Variants in CNTNAP2 observed in about 807,000 individuals in gnomAD.
CNTNAP2 encodes the protein contactin-associated protein-like 2.
A neutral mutation model predicts 155.2 loss-of-function variants in CNTNAP2; 98 were observed. The ratio of observed to expected loss-of-function variants is 0.63; its 90% CI spans 0.54 to 0.75. The LOEUF (loss-of-function observed/expected upper bound fraction) is 0.75, where lower values mean the gene tolerates loss of function less well. Ranked by LOEUF, CNTNAP2 falls within the 30% of genes least tolerant of loss-of-function variation. The probability of loss-of-function intolerance (pLI) is 0.00; values close to 1 mark genes in which losing one functional copy is unlikely to be tolerated. For synonymous variants in CNTNAP2, 651 were observed against 631.2 expected, an observed-to-expected ratio of 1.03 and a Z score of -0.47; for missense variants, 1,727 against 1,688.1, an observed-to-expected ratio of 1.02 and a Z score of -0.40.
chr7:147,934,202 G>T (rs1800563021), intron 14 of CNTNAP2, among the ~76,000 whole-genome samples: 1 of 151,524 alleles, frequency 6.6e-6, no homozygotes, highest in South Asian at 2.1e-4. Flanking sequence ...TCATACTACA[G>T]TTAGAGTATT....
chr7:147,666,327 G>A (rs1334754804), intron 13 of CNTNAP2, among the ~76,000 whole-genome samples: 1 of 152,064 alleles, frequency 6.6e-6, no homozygotes, highest in Non-Finnish European at 1.5e-5. Context: ...GACTACAATG[G>A]AACTGAAAAA....
At chr7:148,174,425 C>T (rs915320416) in intron 18 of CNTNAP2, among the ~76,000 whole-genome samples, 1 of 151,420 alleles carries the variant, frequency 6.6e-6, no homozygotes, top group Non-Finnish European at 1.5e-5. Flanking sequence ...TGACCGCCCC[C>T]CACCTCAGGC....
intron 1 of CNTNAP2, among the ~76,000 whole-genome samples, chr7:146,137,611 A>G (rs905410187): frequency 5.3e-5 from 8 of 152,256 alleles, no homozygotes; most frequent in African/African-American, 1.9e-4. Context: ...TATTTTATTT[A>G]AAGAAAAGCC....
At chr7:147,311,550 G>A (rs1433995036) in intron 9 of CNTNAP2, among the ~76,000 whole-genome samples, 7 of 152,138 alleles carry the variant, frequency 4.6e-5, no homozygotes, top group Admixed American at 4.6e-4. Context: ...CCTATTTAGA[G>A]CAGCCAACTC....
chr7:147,849,355 A>AATC (rs1798396713), intron 13 of CNTNAP2, among the ~76,000 whole-genome samples: 2 of 152,198 alleles, frequency 1.3e-5, no homozygotes, highest in African/African-American at 4.8e-5. Context: ...AAAACAAATT[A>AATC]ATCATCTTTG....
At chr7:146,671,872 A>G (rs2934758) in intron 1 of CNTNAP2, among the ~76,000 whole-genome samples, 122,876 of 151,854 alleles carry the variant, frequency 0.81, 50,323 homozygotes, top group South Asian at 0.91. Flanking sequence ...CTGAAGTGCA[A>G]TGTTGTGATC....
At chr7:147,133,259 G>A (rs777084296) in intron 8 of CNTNAP2, among the ~76,000 whole-genome samples, 2 of 152,076 alleles carry the variant, frequency 1.3e-5, no homozygotes, top group Non-Finnish European at 2.9e-5. Flanking sequence ...CTGATAAATA[G>A]TAACTGTTTT....
At chr7:147,981,846 T>C (rs1801537039) in intron 15 of CNTNAP2, among the ~76,000 whole-genome samples, 1 of 151,888 alleles carries the variant, frequency 6.6e-6, no homozygotes, top group South Asian at 2.1e-4. Flanking sequence ...TCTTTCTTTT[T>C]TGCAAAGCCT....
At chr7:148,034,951 T>C (rs1410722407) in intron 15 of CNTNAP2, among the ~76,000 whole-genome samples, 1 of 152,200 alleles carries the variant, frequency 6.6e-6, no homozygotes, top group Admixed American at 6.5e-5. Flanking sequence ...TGTTATAAAT[T>C]GGCAAAGAAC....
At chr7:146,305,218 T>C (rs1049611992) in intron 1 of CNTNAP2, among the ~76,000 whole-genome samples, 1 of 152,188 alleles carries the variant, frequency 6.6e-6, no homozygotes, top group Non-Finnish European at 1.5e-5. Flanking sequence ...GGTTCGTACA[T>C]CCTTCTTTAG....
chr7:146,929,121 G>C (rs1045329091), intron 3 of CNTNAP2, among the ~76,000 whole-genome samples: 4 of 152,202 alleles, frequency 2.6e-5, no homozygotes, highest in African/African-American at 9.6e-5. Flanking sequence ...TTTGAGAATG[G>C]GCAGACTGCC....
chr7:146,881,833 T>G (rs1439121761), intron 3 of CNTNAP2, among the ~76,000 whole-genome samples: 1 of 150,534 alleles, frequency 6.6e-6, no homozygotes, highest in Non-Finnish European at 1.5e-5. Flanking sequence ...TATTTTAGAG[T>G]CAGGGGATAC....
Position 147,494,731 on chromosome 7 carries a change from G to A in CNTNAP2, c.1777+8690G>A, listed in dbSNP as rs528658671. On this transcript the variant is annotated intron_variant, in intron 11 of 23. Coordinates refer to ENST00000361727, the MANE Select transcript of CNTNAP2 (RefSeq NM_014141.6). ...TGAATTAAGGAAAAAAATGATATAG[G>A]GAAAGAGTCTACTTTAATTTGAAGA... 1.2e-3 allele frequency among the ~76,000 whole-genome samples: 182 copies of A among 152,190 alleles called. 1 individual carries two copies. The highest frequency in any genetic ancestry group is 1.9e-3 in the Admixed American group (29 of 15,290).
chr7:147,504,839 T>TATATATAG (rs35388373), intron 11 of CNTNAP2, among the ~76,000 whole-genome samples: 16 of 150,358 alleles, frequency 1.1e-4, no homozygotes, highest in African/African-American at 2.2e-4. Context: ...TATATATATA[T>TATATATAG]GAATCAGAAA....
rs144249403 is a variant in CNTNAP2, at chr7:147,662,002, T to C, written c.2098+22696T>C. Among the ~76,000 whole-genome samples, 677 of 152,296 alleles carry C rather than the reference T, an allele frequency of 4.4e-3. 2 individuals carry two copies. The highest frequency in any genetic ancestry group is 0.015 in the African/African-American group (636 of 41,558). On this transcript the variant is annotated intron_variant, in intron 13 of 23. Coordinates refer to ENST00000361727, the MANE Select transcript of CNTNAP2 (RefSeq NM_014141.6). ...TTACCAAGGACCTCTCCTTAAGTAG[T>C]CTATCATCCTAAACTCTCAGGAGAT...
intron 21 of CNTNAP2, among the ~76,000 whole-genome samples, chr7:148,354,679 C>G (rs1382663783): frequency 6.6e-6 from 1 of 151,138 alleles, no homozygotes; most frequent in Non-Finnish European, 1.5e-5. Context: ...CCCTAAAAGG[C>G]TTTCTTTTTT....
intron 15 of CNTNAP2, among the ~76,000 whole-genome samples, chr7:148,051,269 C>CTT (rs1802884604): frequency 6.6e-6 from 1 of 152,118 alleles, no homozygotes; most frequent in South Asian, 2.1e-4. Context: ...GGCCTATGTT[C>CTT]TTTTCTCAAT....
At chr7:147,508,046 C>T (rs1373303685) in intron 11 of CNTNAP2, among the ~76,000 whole-genome samples, 1 of 152,094 alleles carries the variant, frequency 6.6e-6, no homozygotes, top group African/African-American at 2.4e-5. Flanking sequence ...CCTTACTGTC[C>T]CTAACCATGG....
rs1305401871 is a variant in CNTNAP2 at position 147,639,092 on chromosome 7, T to A, written c.1898-14T>A. On this transcript the variant is annotated splice_polypyrimidine_tract_variant and intron_variant, in intron 12 of 23. Coordinates refer to ENST00000361727, the MANE Select transcript of CNTNAP2 (RefSeq NM_014141.6). Reference sequence around the variant, plus strand: ...ACTAATGATCCAGGGTCCTGGTTGTTTTTCTCCCCACAGAGGACAAAGTGT... The same window carrying A: ...ACTAATGATCCAGGGTCCTGGTTGTATTTCTCCCCACAGAGGACAAAGTGT... 1 of 1,613,898 alleles carries A rather than the reference T, an allele frequency of 6.2e-7. No individual in the cohort carries two copies. The highest frequency in any genetic ancestry group is 8.5e-7 in the Non-Finnish European group (1 of 1,179,888).
Sources: allele counts gnomAD v4.1 joint callset (sites outside exome capture counted in the v4.1 genomes callset), GRCh38; gene constraint gnomAD v4.1.1; transcripts MANE v1.5; gene names NCBI Gene and HGNC (gene_info 2026-07-23, HGNC 2026-07-21).